AKAP4: variants seen among roughly 807,000 people sequenced by gnomAD.
AKAP4 encodes A-kinase anchor protein 4.
Under a neutral mutation model 42.6 loss-of-function variants are expected in AKAP4, and 4 were observed. That is an observed-to-expected ratio of 0.09 (90% CI 0.05 to 0.22). The LOEUF (loss-of-function observed/expected upper bound fraction) is 0.22, where lower values mean the gene tolerates loss of function less well. AKAP4 is among the 10% of genes least tolerant of loss of function. The pLI is 1.00. For missense variants in AKAP4, 551 were observed against 630.7 expected, an observed-to-expected ratio of 0.87 and a Z score of 1.35; for synonymous variants, 223 against 233.0, an observed-to-expected ratio of 0.96 and a Z score of 0.39.
At position 50,193,036 on chromosome X, in the gene AKAP4, C is replaced by T; in HGVS notation, c.1677G>A (p.Gln559=). 1.7e-6 allele frequency: 2 copies of T among 1,211,862 alleles called. No individual in the cohort carries two copies. Among genetic ancestry groups the T allele is most frequent in the Non-Finnish European group, 2.2e-6 (2 of 895,537 alleles). ...LKLIQYHLTQ[Q]TKGKDTCEED... Reference sequence around the variant, plus strand: ...CTTCACATGTATCTTTGCCCTTAGTCTGCTGGGTCAGATGGTACTGGATCA... The same window carrying T: ...CTTCACATGTATCTTTGCCCTTAGTTTGCTGGGTCAGATGGTACTGGATCA... Residue 559 remains glutamine (Q), a synonymous_variant, in exon 5 of 6, where the codon CAG becomes CAA. Coordinates refer to ENST00000358526, the MANE Select transcript of AKAP4 (RefSeq NM_003886.3).
rs373613057 is a variant in AKAP4 at position 50,194,411 on chromosome X, T to C, written c.302A>G (p.Lys101Arg). The C allele has an allele frequency of 1.9e-5, 23 of 1,203,247 alleles. No homozygotes were observed. The highest frequency in any genetic ancestry group is 2.6e-5 in the Non-Finnish European group (23 of 892,831). ...SKTEGSVCLF[K>R]QAPSDPVSVL... Reference sequence around the variant, plus strand: ...ACTTACAGGATCAGAGGGAGCTTGTTTGAAAAGGCATACAGATCCCTCTGT... The same window carrying C: ...ACTTACAGGATCAGAGGGAGCTTGTCTGAAAAGGCATACAGATCCCTCTGT... The change falls in exon 5 of 6, where the codon AAA (lysine) becomes AGA (arginine). Residue 101 changes from lysine (K) to arginine (R), a missense_variant. By Grantham distance (26) the Lys-to-Arg change is conservative. Transcript: ENST00000358526.
At chrX:50,196,538 C>G (rs1344256607) in intron 4 of AKAP4, among the ~76,000 whole-genome samples, 1 of 111,689 alleles carries the variant, frequency 9.0e-6, no homozygotes, top group Non-Finnish European at 1.9e-5. Flanking sequence ...TGGATTGTCT[C>G]TGCTCCATAC....
chrX:50,197,614 T>C lies in AKAP4; in HGVS notation c.124-20A>G, dbSNP rs1557204492. Reference sequence around the variant, plus strand: ...GCATATCTGCATCAAATTAGAAGGGTGAATTTAGAAAAACTCTAGAGAAAG... The same window carrying C: ...GCATATCTGCATCAAATTAGAAGGGCGAATTTAGAAAAACTCTAGAGAAAG... On this transcript the variant is annotated intron_variant, in intron 2 of 5. Coordinates refer to ENST00000358526, the MANE Select transcript of AKAP4 (RefSeq NM_003886.3). 1 of 1,189,874 alleles carries C rather than the reference T, an allele frequency of 8.4e-7. No individual in the cohort carries two copies. Among genetic ancestry groups the C allele is most frequent in the African/African-American group, 1.7e-5 (1 of 57,298 alleles).
rs1557204409 is a variant in AKAP4, at chrX:50,196,875, C to CA, written c.276+15dup. ...CTGAGAATTAGAAGTGGTGGGATCTCAGAGGTTAAGTGTACCTTAGACTGG... is the reference window on the plus strand; with the variant it reads ...CTGAGAATTAGAAGTGGTGGGATCTCAAGAGGTTAAGTGTACCTTAGACTGG... On this transcript the variant is annotated intron_variant, in intron 4 of 5. Transcript: ENST00000358526. 10 of 1,142,289 alleles carry CA rather than the reference C, an allele frequency of 8.8e-6. No homozygotes were observed. Among genetic ancestry groups the CA allele is most frequent in the Non-Finnish European group, 1.2e-5 (10 of 832,780 alleles). 94.1% of individuals were successfully genotyped at this position (1,142,289 alleles called of 1,213,427 possible).
chrX:50,200,200 T>C (rs1254864384), intron 1 of AKAP4: 1 of 752,234 alleles, frequency 1.3e-6, no homozygotes, highest in Non-Finnish European at 1.6e-6. Context: ...CCAAAAGAAC[T>C]GTGAAAAATA....
chrX:50,194,431 C>T lies in AKAP4; in HGVS notation c.282G>A (p.Glu94=). The part of the protein sequence containing the change: ...DTEKKDQSKT[E]GSVCLFKQAP... The stretch of plus-strand genomic sequence containing the variant: ...CTTGTTTGAAAAGGCATACAGATCC[C>T]TCTGTCTAAAAAAAGAAGAAGACCT... The change falls in exon 5 of 6, where the codon GAG becomes GAA. Residue 94 remains glutamate (E), a synonymous_variant. Transcript: ENST00000358526. 8.4e-7 allele frequency: 1 copy of T among 1,192,846 alleles called. No individual in the cohort carries two copies. The highest frequency in any genetic ancestry group is 1.1e-6 in the Non-Finnish European group (1 of 887,270).
In AKAP4 at chrX:50,200,865, T is replaced by C. The variant is rs1557204794; in HGVS notation, c.25A>G (p.Met9Val). 2 of 1,206,510 alleles carry C rather than the reference T, an allele frequency of 1.7e-6. No individual in the cohort carries two copies. The highest frequency in any genetic ancestry group is 2.2e-5 in the Admixed American group (1 of 45,807). ...AAAAAGAAGTCAGATGTCCCTACCATTGTAGTATCAGAGTACGCCATCATG... is the reference window on the plus strand; with the variant it reads ...AAAAAGAAGTCAGATGTCCCTACCACTGTAGTATCAGAGTACGCCATCATG... MMAYSDTT[M>V]MSDDIDWLRS... is the part of the protein sequence containing the mutation. The change falls in exon 1 of 6, where the codon ATG (methionine) becomes GTG (valine). Residue 9 changes from methionine to valine, a missense_variant and splice_region_variant. By Grantham distance (21) the Met-to-Val change is conservative (BLOSUM62 1). Transcript: ENST00000358526.
Position 50,197,577 on chromosome X carries a change from C to T in AKAP4, c.141G>A (p.Val47=), listed in dbSNP as rs1557204481. 3.3e-6 allele frequency: 4 copies of T among 1,206,546 alleles called. No homozygotes were observed. Among genetic ancestry groups the T allele is most frequent in the Non-Finnish European group, 4.5e-6 (4 of 891,946 alleles). The part of the protein sequence containing the change: ...QDRKVICFVD[V]STLNVEDKDY... ...CTTTATCTTCTACATTCAGGGTGGA[C>T]ACATCGACAAAGCATATCTGCATCA... is the stretch of plus-strand genomic sequence containing the variant. Residue 47 remains valine (V), a synonymous_variant, in exon 3 of 6, where the codon GTG becomes GTA. Coordinates refer to ENST00000358526, the MANE Select transcript of AKAP4 (RefSeq NM_003886.3).
At chrX:50,199,732 C>T (rs1935235932) in intron 1 of AKAP4, among the ~76,000 whole-genome samples, 1 of 78,312 alleles carries the variant, frequency 1.3e-5, no homozygotes, top group Non-Finnish European at 2.4e-5. Flanking sequence ...TGAATTCCCC[C>T]TCCCACCCTC....
In AKAP4 at chrX:50,193,019, G is replaced by C; in HGVS notation, c.1694C>G (p.Thr565Arg). 1 of 1,211,645 alleles carries C rather than the reference G, an allele frequency of 8.3e-7. No individual in the cohort carries two copies. Among genetic ancestry groups the C allele is most frequent in the Non-Finnish European group, 1.1e-6 (1 of 895,428 alleles). Reference protein sequence around the residue: ...HLTQQTKGKDTCEEDCPGSTM... With the variant: ...HLTQQTKGKDRCEEDCPGSTM... The stretch of plus-strand genomic sequence containing the variant: ...GGAACCAGGACAGTCTTCTTCACAT[G>C]TATCTTTGCCCTTAGTCTGCTGGGT... The change falls in exon 5 of 6, where the codon ACA becomes AGA. Residue 565 changes from threonine (T) to arginine (R), a missense_variant. By Grantham distance (71) the Thr-to-Arg change is moderately conservative. Coordinates refer to ENST00000358526, the MANE Select transcript of AKAP4 (RefSeq NM_003886.3).
In AKAP4 at chrX:50,200,030, A is replaced by G. The variant is rs192697487; in HGVS notation, c.27+833T>C. Among the ~76,000 whole-genome samples the G allele has an allele frequency of 5.6e-3, 582 of 103,953 alleles. 2 individuals carry two copies. Among genetic ancestry groups the G allele is most frequent in the Middle Eastern group, 0.02 (4 of 205 alleles). 90.3% of individuals were successfully genotyped at this position (103,953 alleles called of 115,157 possible). A position where few individuals can be genotyped will look rare whatever the true frequency, so the allele number is the denominator to read the frequency against. On this transcript the variant is annotated intron_variant, in intron 1 of 5. Coordinates refer to ENST00000358526, the MANE Select transcript of AKAP4 (RefSeq NM_003886.3). ...CAAGATCTTTTTGAACTCTTCCTTCAGGAATCTCTGTGAAACCTTGAAAAA... is the reference window on the plus strand; with the variant it reads ...CAAGATCTTTTTGAACTCTTCCTTCGGGAATCTCTGTGAAACCTTGAAAAA...
intron 5 of AKAP4, among the ~76,000 whole-genome samples, chrX:50,191,339 G>A (rs1935106277): frequency 9.0e-6 from 1 of 111,261 alleles, no homozygotes; most frequent in South Asian, 3.8e-4. Flanking sequence ...TAATGACATA[G>A]ATCAAAATGC....
Position 50,200,886 on chromosome X carries a change from T to C in AKAP4, c.4A>G (p.Met2Val). 8.3e-7 allele frequency: 1 copy of C among 1,208,646 alleles called. No homozygotes were observed. Among genetic ancestry groups the C allele is most frequent in the Non-Finnish European group, 1.1e-6 (1 of 893,096 alleles). Residue 2 changes from methionine (M) to valine (V), a missense_variant, in exon 1 of 6, where the codon ATG (methionine) becomes GTG (valine). Met to Val is a conservative substitution (Grantham distance 21, BLOSUM62 1). Coordinates refer to ENST00000358526, the MANE Select transcript of AKAP4 (RefSeq NM_003886.3). M[M>V]AYSDTTMMSD... ...ACCATTGTAGTATCAGAGTACGCCATCATGTAGGACCCTGGAATGATGTTT... is the reference window on the plus strand; with the variant it reads ...ACCATTGTAGTATCAGAGTACGCCACCATGTAGGACCCTGGAATGATGTTT...
chrX:50,200,794 G>A, intron 1 of AKAP4, 69 bp downstream of exon 1: 1 of 1,036,588 alleles, frequency 9.6e-7, no homozygotes, highest in East Asian at 3.1e-5. Context: ...TGCCTCAGCA[G>A]CTTCTGTAGT....
intron 1 of AKAP4, among the ~76,000 whole-genome samples, chrX:50,199,402 G>A (rs1225376165): frequency 3.7e-5 from 4 of 109,424 alleles, no homozygotes; most frequent in African/African-American, 1.0e-4. Context: ...ATATAACACC[G>A]AGAGACAGAA....
chrX:50,196,805 G>T, intron 4 of AKAP4, 86 bp downstream of exon 4: 4 of 655,454 alleles, frequency 6.1e-6, no homozygotes, highest in Non-Finnish European at 9.8e-6. Flanking sequence ...GACAGTAAGT[G>T]TCTTACCATG....
At chrX:50,191,918 T>C (rs1185573238) in intron 5 of AKAP4, among the ~76,000 whole-genome samples, 1 of 111,196 alleles carries the variant, frequency 9.0e-6, no homozygotes, top group Non-Finnish European at 1.9e-5. Flanking sequence ...AATTAGTCCA[T>C]GATACTTCCA....
Position 50,192,553 on chromosome X carries a change from G to T in AKAP4, c.2160C>A (p.Ala720=). 8.3e-7 allele frequency: 1 copy of T among 1,211,594 alleles called. No homozygotes were observed. Among genetic ancestry groups the T allele is most frequent in the African/African-American group, 1.7e-5 (1 of 57,804 alleles). The part of the protein sequence containing the change: ...IMAKYSNDGA[A]LAELEEQAAS... ...CTGCTTGTTCTTCCAACTCAGCAAG[G>T]GCTGCCCCATCGTTGCTATACTTAG... Residue 720 remains alanine, a synonymous_variant, in exon 5 of 6, where the codon GCC becomes GCA. Coordinates refer to ENST00000358526, the MANE Select transcript of AKAP4 (RefSeq NM_003886.3).
chrX:50,192,026 T>A, intron 5 of AKAP4, among the ~76,000 whole-genome samples: 1 of 110,908 alleles, frequency 9.0e-6, no homozygotes. Flanking sequence ...TAAGACTTAA[T>A]CATTCCCCAA....
Sources: allele counts gnomAD v4.1 joint callset (sites outside exome capture counted in the v4.1 genomes callset), GRCh38; gene constraint gnomAD v4.1.1; transcripts MANE v1.5; gene names NCBI Gene and HGNC (gene_info 2026-07-23, HGNC 2026-07-21).